Variants in SORCS3 observed in about 807,000 individuals in gnomAD.
SORCS3 encodes the protein VPS10 domain-containing receptor SorCS3.
SORCS3 carries 57 observed loss-of-function variants against 146.3 expected under a neutral mutation model. The ratio of observed to expected loss-of-function variants is 0.39; its 90% CI spans 0.31 to 0.49. The LOEUF is 0.49. Ranked by LOEUF, SORCS3 falls within the 20% of genes least tolerant of loss-of-function variation. The pLI is 0.92. For synonymous variants in SORCS3, 653 were observed against 618.5 expected (o/e 1.06, Z -0.83); for missense variants, 1,341 against 1,575.5 (o/e 0.85, Z 2.52).
At chr10:104,884,038 C>T (rs2018657811) in intron 2 of SORCS3, among the ~76,000 whole-genome samples, 1 of 152,072 alleles carries the variant, frequency 6.6e-6, no homozygotes, top group Non-Finnish European at 1.5e-5. Context: ...GTACAGCCAC[C>T]TGTAGCAAAC....
intron 1 of SORCS3, among the ~76,000 whole-genome samples, chr10:104,696,969 G>T (rs1419527500): frequency 6.7e-6 from 1 of 150,220 alleles, no homozygotes; most frequent in Admixed American, 6.7e-5. Flanking sequence ...GGACTGGCGG[G>T]TGGAGGATAT....
At chr10:105,230,524 C>T (rs1013532245) in intron 20 of SORCS3, among the ~76,000 whole-genome samples, 3 of 152,196 alleles carry the variant, frequency 2.0e-5, no homozygotes, top group Non-Finnish European at 4.4e-5. Flanking sequence ...TGGTTCTTCA[C>T]TCATATCTTA....
chr10:105,097,637 C>T (rs1302533180), intron 6 of SORCS3, among the ~76,000 whole-genome samples: 1 of 152,144 alleles, frequency 6.6e-6, no homozygotes, highest in Non-Finnish European at 1.5e-5. Context: ...TACTAACAAA[C>T]ATAAGAAGTA....
chr10:105,115,534 A>G (rs1480278186), intron 7 of SORCS3, among the ~76,000 whole-genome samples: 1 of 152,188 alleles, frequency 6.6e-6, no homozygotes, highest in Non-Finnish European at 1.5e-5. Context: ...AGCTTCCCAC[A>G]TAGCTTCCAT....
chr10:104,945,290 C>G (rs969189792), intron 3 of SORCS3, among the ~76,000 whole-genome samples: 1 of 149,052 alleles, frequency 6.7e-6, no homozygotes, highest in African/African-American at 2.6e-5. Flanking sequence ...GAGTCTCGCT[C>G]TGTCAGGCTG....
intron 2 of SORCS3, among the ~76,000 whole-genome samples, chr10:104,859,138 ATAAGACT>A (rs1171660658): frequency 6.6e-6 from 1 of 152,044 alleles, no homozygotes; most frequent in Non-Finnish European, 1.5e-5. Flanking sequence ...AATTATGAGA[ATAAGACT>A]TGGATAATGA....
chr10:105,182,261 G>A (rs948385141), intron 14 of SORCS3, among the ~76,000 whole-genome samples: 1 of 63,394 alleles, frequency 1.6e-5, no homozygotes, highest in Non-Finnish European at 3.3e-5. Context: ...TTTGTGCCAG[G>A]TATCACATTG....
At chr10:104,893,587 T>A (rs535469821) in intron 2 of SORCS3, among the ~76,000 whole-genome samples, 22 of 152,222 alleles carry the variant, frequency 1.4e-4, no homozygotes, top group Non-Finnish European at 2.9e-4. Context: ...TCCCCCTTTA[T>A]GCCTTGACTG....
chr10:104,984,301 G>GA (rs1049659000), intron 4 of SORCS3, among the ~76,000 whole-genome samples: 4 of 152,002 alleles, frequency 2.6e-5, no homozygotes, highest in Admixed American at 1.3e-4. Flanking sequence ...AGGACAATTT[G>GA]AAAAAATTTT....
chr10:104,652,666 T>A (rs1334607), intron 1 of SORCS3, among the ~76,000 whole-genome samples: 149,530 of 152,292 alleles, frequency 0.98, 73,433 homozygotes, highest in East Asian at 1. Context: ...TCCAGGCGTG[T>A]TGTACAATTT....
intron 4 of SORCS3, among the ~76,000 whole-genome samples, chr10:104,990,022 C>A (rs1318103654): frequency 1.3e-5 from 2 of 152,172 alleles, no homozygotes; most frequent in African/African-American, 4.8e-5. Flanking sequence ...TATTTCTATT[C>A]TAGTGTGCTC....
At chr10:104,756,560 A>G (rs1452362528) in intron 1 of SORCS3, among the ~76,000 whole-genome samples, 1 of 152,182 alleles carries the variant, frequency 6.6e-6, no homozygotes, top group Non-Finnish European at 1.5e-5. Context: ...AGGCAGGGTA[A>G]GGGTGGGTGA....
At chr10:104,772,678 C>T (rs2017265840) in intron 1 of SORCS3, among the ~76,000 whole-genome samples, 1 of 152,190 alleles carries the variant, frequency 6.6e-6, no homozygotes, top group Admixed American at 6.5e-5. Flanking sequence ...TGATCTTTGC[C>T]ATCACAGTAC....
intron 9 of SORCS3, among the ~76,000 whole-genome samples, chr10:105,155,599 C>T (rs145891220): frequency 1.7e-3 from 264 of 152,296 alleles, no homozygotes; most frequent in Middle Eastern, 3.4e-3. Flanking sequence ...TGCACCTTTG[C>T]AGTTGGTTTT....
intron 2 of SORCS3, among the ~76,000 whole-genome samples, chr10:104,911,845 G>T (rs1354262362): frequency 6.6e-6 from 1 of 152,060 alleles, no homozygotes; most frequent in Admixed American, 6.6e-5. Flanking sequence ...AGTCATGTTA[G>T]CCAGAATCTC....
At chr10:104,876,685 C>T (rs1265094305) in intron 2 of SORCS3, among the ~76,000 whole-genome samples, 2 of 147,794 alleles carry the variant, frequency 1.4e-5, no homozygotes, top group African/African-American at 5.2e-5. Flanking sequence ...ATTGCACATG[C>T]AATGAACTGG....
intron 24 of SORCS3, 35 bp from the exon 25 acceptor site, chr10:105,256,784 A>G (rs2056933936): frequency 6.5e-7 from 1 of 1,529,090 alleles, no homozygotes; most frequent in Non-Finnish European, 9.1e-7. Context: ...AAGTGAGCAT[A>G]TCTGTTCTTT....
At chr10:104,806,639 A>G (rs942713974) in intron 1 of SORCS3, among the ~76,000 whole-genome samples, 4 of 152,246 alleles carry the variant, frequency 2.6e-5, no homozygotes, top group African/African-American at 7.2e-5. Flanking sequence ...TAATAACAAT[A>G]ATGACCATTT....
chr10:105,132,975 C>G (rs1021023512), intron 7 of SORCS3, among the ~76,000 whole-genome samples: 1 of 152,190 alleles, frequency 6.6e-6, no homozygotes, highest in East Asian at 1.9e-4. Context: ...TTAATAGTCA[C>G]TAAACTTTAT....
Sources: allele counts gnomAD v4.1 joint callset (sites outside exome capture counted in the v4.1 genomes callset), GRCh38; gene constraint gnomAD v4.1.1; transcripts MANE v1.5; gene names NCBI Gene and HGNC (gene_info 2026-07-23, HGNC 2026-07-21).